The following PLCL2 variants were observed in gnomAD, a reference collection of about 807,000 sequenced individuals.
The protein encoded by PLCL2 is inactive phospholipase C-like protein 2.
Under a neutral mutation model 79.6 loss-of-function variants are expected in PLCL2, and 4 were observed. That is an observed-to-expected ratio of 0.05 (90% CI 0.02 to 0.11). The LOEUF (loss-of-function observed/expected upper bound fraction) is 0.11, where lower values mean the gene tolerates loss of function less well. Ranked by LOEUF, PLCL2 falls within the 10% of genes least tolerant of loss-of-function variation. PLCL2 has a pLI of 1.00. For missense variants in PLCL2, 895 were observed against 1,291.0 expected (o/e 0.69, Z 4.70); for synonymous variants, 484 against 457.7 (o/e 1.06, Z -0.73).
intron 1 of PLCL2, among the ~76,000 whole-genome samples, chr3:16,923,940 T>C (rs944123480): frequency 7.2e-6 from 1 of 138,870 alleles, no homozygotes; most frequent in Admixed American, 7.1e-5. Context: ...CCAGAATTTC[T>C]GTTTGGCTCC....
At chr3:17,024,501 T>TA (rs2064492650) in intron 3 of PLCL2, among the ~76,000 whole-genome samples, 1 of 152,202 alleles carries the variant, frequency 6.6e-6, no homozygotes, top group African/African-American at 2.4e-5. Flanking sequence ...TGCAGTATCT[T>TA]AAATTGTGTA....
chr3:17,072,670 GAAAA>G (rs547845475), intron 5 of PLCL2, among the ~76,000 whole-genome samples: 4 of 77,108 alleles, frequency 5.2e-5, no homozygotes, highest in Middle Eastern at 9.4e-3. Context: ...CTGTCTCAAA[GAAAA>G]AAAAAAAAAA....
At chr3:16,979,248 T>G (rs1429262762) in intron 1 of PLCL2, among the ~76,000 whole-genome samples, 1 of 152,144 alleles carries the variant, frequency 6.6e-6, no homozygotes, top group African/African-American at 2.4e-5. Flanking sequence ...CTATGTTCCC[T>G]TCATCCCCCA....
chr3:16,915,494 G>A (rs999287356), intron 1 of PLCL2, among the ~76,000 whole-genome samples: 1 of 151,922 alleles, frequency 6.6e-6, no homozygotes, highest in African/African-American at 2.4e-5. Flanking sequence ...ATAATTCATG[G>A]GTTTTCTTGG....
chr3:16,885,579 C>T (rs1247158424), intron 1 of PLCL2, among the ~76,000 whole-genome samples: 1 of 152,192 alleles, frequency 6.6e-6, no homozygotes, highest in East Asian at 1.9e-4. Flanking sequence ...TGTGCTCAGA[C>T]ATCCTCAGTT....
At chr3:16,948,780 C>T (rs149988667) in intron 1 of PLCL2, among the ~76,000 whole-genome samples, 43 of 152,196 alleles carry the variant, frequency 2.8e-4, no homozygotes, top group African/African-American at 9.9e-4. Flanking sequence ...TACTTATCTA[C>T]CAGAGAGAAA....
chr3:17,085,673 T>A (rs2065211312), intron 5 of PLCL2, among the ~76,000 whole-genome samples: 2 of 146,440 alleles, frequency 1.4e-5, no homozygotes, highest in East Asian at 2.1e-4. Flanking sequence ...ATGGTCTCGA[T>A]CTCCTGACCT....
chr3:17,007,677 G>A (rs1180205557), intron 1 of PLCL2, among the ~76,000 whole-genome samples: 3 of 152,210 alleles, frequency 2.0e-5, no homozygotes, highest in Non-Finnish European at 2.9e-5. Flanking sequence ...AGTATAGGTA[G>A]TTAGAAAGTA....
chr3:16,981,250 A>G (rs944644681), intron 1 of PLCL2, among the ~76,000 whole-genome samples: 2 of 152,266 alleles, frequency 1.3e-5, no homozygotes, highest in African/African-American at 4.8e-5. Context: ...TTGATCAAGT[A>G]GCAAAAATGG....
intron 3 of PLCL2, among the ~76,000 whole-genome samples, chr3:17,036,738 G>T (rs868161123): frequency 2.6e-5 from 4 of 152,176 alleles, no homozygotes; most frequent in Middle Eastern, 3.2e-3. Flanking sequence ...AGTCCATTTT[G>T]TGTTGTTGAA....
intron 1 of PLCL2, among the ~76,000 whole-genome samples, chr3:16,947,150 G>T (rs1454979437): frequency 1.3e-5 from 2 of 151,008 alleles, no homozygotes; most frequent in African/African-American, 2.4e-5. Flanking sequence ...TAGAGACAGG[G>T]TCTCACTCAG....
chr3:16,948,059 T>G (rs546003439), intron 1 of PLCL2, among the ~76,000 whole-genome samples: 158 of 152,354 alleles, frequency 1.0e-3, no homozygotes, highest in Middle Eastern at 6.8e-3. Flanking sequence ...ATTTGAATTA[T>G]GCAGGAATGT....
rs1363054822 is a variant in PLCL2 at position 17,089,365 on chromosome 3, T to C, written c.3205-368T>C. The stretch of plus-strand genomic sequence containing the variant: ...GTATCCTTCTGTGAGTTTATACTTA[T>C]TTCAAAATAAAAAGTTTTTTTTTTA... On this transcript the variant is annotated intron_variant, in intron 5 of 5. Coordinates refer to ENST00000615277, the MANE Select transcript of PLCL2 (RefSeq NM_001144382.2). Among the ~76,000 whole-genome samples, 4 of 152,230 alleles carry C rather than the reference T, an allele frequency of 2.6e-5. No individual in the cohort carries two copies. The South Asian group carries it at 8.3e-4, about 31-fold the overall frequency.
At chr3:17,030,136 A>G (rs544755360) in intron 3 of PLCL2, among the ~76,000 whole-genome samples, 1 of 152,226 alleles carries the variant, frequency 6.6e-6, no homozygotes, top group East Asian at 1.9e-4. Flanking sequence ...TATGTTACCC[A>G]GGCTGGTCTT....
At chr3:17,049,074 C>T (rs755667527) in intron 4 of PLCL2, among the ~76,000 whole-genome samples, 36 of 150,652 alleles carry the variant, frequency 2.4e-4, no homozygotes, top group Non-Finnish European at 3.4e-4. Flanking sequence ...CCAGCAGGTA[C>T]GAAAACCTTG....
chr3:16,954,424 C>A (rs908385587), intron 1 of PLCL2, among the ~76,000 whole-genome samples: 1 of 152,034 alleles, frequency 6.6e-6, no homozygotes, highest in African/African-American at 2.4e-5. Context: ...TCCAGTCTAT[C>A]GTTGTTGGAC....
chr3:17,048,009 G>A (rs537606993), intron 4 of PLCL2, among the ~76,000 whole-genome samples: 6 of 151,796 alleles, frequency 4.0e-5, no homozygotes, highest in African/African-American at 9.7e-5. Context: ...ATGAGGCCCC[G>A]ACACACTCCT....
At chr3:16,947,312 A>G (rs962591366) in intron 1 of PLCL2, among the ~76,000 whole-genome samples, 7 of 152,290 alleles carry the variant, frequency 4.6e-5, no homozygotes, top group Middle Eastern at 3.4e-3. Flanking sequence ...CTGCTAAAAG[A>G]GCAGTAAATA....
At chr3:16,984,888 C>T (rs2064033358) in intron 1 of PLCL2, among the ~76,000 whole-genome samples, 1 of 151,916 alleles carries the variant, frequency 6.6e-6, no homozygotes, top group South Asian at 2.1e-4. Context: ...GCCAAGATCA[C>T]ACCACTGCAC....
Sources: gnomAD v4.1 joint callset for allele counts (sites outside exome capture counted in the v4.1 genomes callset) on GRCh38, gnomAD v4.1.1 for gene constraint, MANE v1.5 for transcripts, NCBI Gene and HGNC (gene_info 2026-07-23, HGNC 2026-07-21) for gene names.